The following TTN variants were observed in gnomAD, a reference collection of about 807,000 sequenced individuals.
TTN encodes connectin.
A neutral mutation model predicts 3,223.0 loss-of-function variants in TTN; 1,525 were observed. The ratio of observed to expected loss-of-function variants is 0.47; its 90% CI spans 0.45 to 0.49. The LOEUF is 0.49. TTN is among the 20% of genes least tolerant of loss of function. The probability of loss-of-function intolerance (pLI) is 0.00; values close to 1 mark genes in which losing one functional copy is unlikely to be tolerated. For synonymous variants in TTN, 14,094 were observed against 15,161.0 expected (o/e 0.93, Z 5.17); for missense variants, 40,786 against 43,424.0 (o/e 0.94, Z 5.40).
In TTN at chr2:178,562,557, T is replaced by C. The variant is rs761633407; in HGVS notation, c.83575A>G (p.Lys27859Glu). 40 of 1,610,952 alleles carry C rather than the reference T, an allele frequency of 2.5e-5. No homozygotes were observed. The East Asian group carries it at 6.5e-4, about 26-fold the overall frequency. ...GGTGGGAGGGGTGGTTCAGACACTT[T>C]AACGGGTTCTGTTGTTTCAGCTGGC... ...GLPAETTEPVKVSEPPLPPGR... is the reference protein window; with the variant it reads ...GLPAETTEPVEVSEPPLPPGR... Residue 27859 changes from lysine (K) to glutamate (E), a missense_variant, in exon 326 of 363, where the codon AAA (lysine) becomes GAA (glutamate). By Grantham distance (56) the Lys-to-Glu change is moderately conservative. Transcript: ENST00000589042.
At position 178,599,148 on chromosome 2, in the gene TTN, A is replaced by G; in HGVS notation, c.56645T>C (p.Phe18882Ser). ...DSEPETARNL[F>S]SVPGAPDKPT... ...TGTGAAAATGTTCTCCTACTTACAG[A>G]AGAGGTTTCTTGCTGTTTCAGGTTC... The change falls in exon 290 of 363, where the codon TTC (phenylalanine) becomes TCC (serine). Residue 18882 changes from phenylalanine (F) to serine (S), a missense_variant and splice_region_variant. By Grantham distance (155) the Phe-to-Ser change is radical. Transcript: ENST00000589042. 4 of 1,508,976 alleles carry G rather than the reference A, an allele frequency of 2.7e-6. No homozygotes were observed. Among genetic ancestry groups the G allele is most frequent in the Middle Eastern group, 1.8e-4 (1 of 5,584 alleles). 93.5% of individuals were successfully genotyped at this position (1,508,976 alleles called of 1,614,324 possible).
Position 178,568,168 on chromosome 2 carries a change from G to T in TTN, c.77964C>A (p.Tyr25988Ter). Reference protein sequence around the residue: ...ESDPIVAQYPYKEPGPPGTPF... With the variant: ...ESDPIVAQYP ...GTGTACCTGGAGGGCCTGGTTCTTTGTAGGGATATTGAGCTACAATTGGAT... is the reference window on the plus strand; with the variant it reads ...GTGTACCTGGAGGGCCTGGTTCTTTTTAGGGATATTGAGCTACAATTGGAT... The change falls in exon 326 of 363, where the codon TAC (tyrosine) becomes TAA (stop). Residue 25988 changes from tyrosine to a stop codon, truncating the protein, a stop_gained. Transcript: ENST00000589042. LOFTEE classifies it high-confidence loss of function. 1.2e-6 allele frequency: 2 copies of T among 1,613,498 alleles called. No individual in the cohort carries two copies. Among genetic ancestry groups the T allele is most frequent in the Non-Finnish European group, 1.7e-6 (2 of 1,179,590 alleles).
Position 178,764,565 on chromosome 2 carries a change from T to C in TTN, c.9950A>G (p.Tyr3317Cys), listed in dbSNP as rs768476150. 6.2e-6 allele frequency: 10 copies of C among 1,614,036 alleles called. No individual in the cohort carries two copies. The highest frequency in any genetic ancestry group is 2.2e-5 in the East Asian group (1 of 44,888). Residue 3317 changes from tyrosine (Y) to cysteine (C), a missense_variant, in exon 42 of 363, where the codon TAT (tyrosine) becomes TGT (cysteine). Physicochemically the swap from Tyr to Cys is radical, Grantham distance 194 (BLOSUM62 -2). Coordinates refer to ENST00000589042, the MANE Select transcript of TTN (RefSeq NM_001267550.2). Reference protein sequence around the residue: ...AVYTCEAKNDYGVATTSASLS... With the variant: ...AVYTCEAKNDCGVATTSASLS... ...TGAAGCTGATGTTGTGGCAACACCA[T>C]AGTCATTCTTGGCTTCACAGGTATA...
Position 178,774,305 on chromosome 2 carries a change from C to T in TTN, c.6959G>A (p.Arg2320His), listed in dbSNP as rs374615369. 138 of 1,614,084 alleles carry T rather than the reference C, an allele frequency of 8.5e-5. No individual in the cohort carries two copies. The highest frequency in any genetic ancestry group is 3.3e-4 in the Middle Eastern group (2 of 6,062). Residue 2320 changes from arginine (R) to histidine (H), a missense_variant, in exon 30 of 363, where the codon CGT (arginine) becomes CAT (histidine). Coordinates refer to ENST00000589042, the MANE Select transcript of TTN (RefSeq NM_001267550.2). ...TACATCCTTGACCGTGAGGTTCTGA[C>T]GTCCACGACGAGATGTAATTGTATA... Reference protein sequence around the residue: ...GKYTITSRRGRQNLTVKDVTK... With the variant: ...GKYTITSRRGHQNLTVKDVTK...
At chr2:178,695,433 A>G in intron 114 of TTN, 23 bp from the exon 115 acceptor site, 3 of 1,599,674 alleles carry the variant, frequency 1.9e-6, no homozygotes, top group Non-Finnish European at 1.7e-6. Context: ...CACAGGAATA[A>G]GAAGGGATGC....
intron 121 of TTN, among the ~76,000 whole-genome samples, 180 bp from the exon 122 acceptor site, chr2:178,690,076 A>G (rs2154278695): frequency 6.6e-6 from 1 of 152,368 alleles, no homozygotes; most frequent in African/African-American, 2.4e-5. Context: ...TGTGATAAAT[A>G]TCACAAATAA....
chr2:178,783,907 G>C, intron 16 of TTN, 122 bp from the exon 17 acceptor site: 1 of 1,075,320 alleles, frequency 9.3e-7, no homozygotes, highest in East Asian at 3.0e-5. Flanking sequence ...AATAATTTGA[G>C]AAAATGATCT....
rs764179161 is a variant in TTN at position 178,534,217 on chromosome 2, A to G, written c.102398T>C (p.Ile34133Thr). The change falls in exon 358 of 363, where the codon ATT (isoleucine) becomes ACT (threonine). Residue 34133 changes from isoleucine to threonine, a missense_variant. Transcript: ENST00000589042. ...VSVAKVKVAS[I>T]EIGPVSGQIM... The stretch of plus-strand genomic sequence containing the variant: ...CTGCCCAGAAACTGGGCCAATTTCA[A>G]TGGATGCCACTTTAACTTTAGCAAC... The G allele has an allele frequency of 4.2e-5, 68 of 1,613,822 alleles. No individual in the cohort carries two copies. Among genetic ancestry groups the G allele is most frequent in the African/African-American group, 1.6e-4 (12 of 74,918 alleles).
At position 178,775,550 on chromosome 2, in the gene TTN, G is replaced by C. The variant is rs547169244; in HGVS notation, c.6314C>G (p.Pro2105Arg). Residue 2105 changes from proline (P) to arginine (R), a missense_variant, in exon 28 of 363, where the codon CCA (proline) becomes CGA (arginine). By Grantham distance (103) the Pro-to-Arg change is moderately radical (BLOSUM62 -2). Transcript: ENST00000589042. ...TTTGTACCATTCACATTCGGGGTCT[G>C]GTTTCCCCACGACTCTGACCCGGAA... is the stretch of plus-strand genomic sequence containing the variant. Reference protein sequence around the residue: ...AHFRVRVVGKPDPECEWYKNG... With the variant: ...AHFRVRVVGKRDPECEWYKNG... The C allele has an allele frequency of 5.0e-6, 8 of 1,613,940 alleles. No individual in the cohort carries two copies. The Admixed American group carries it at 8.3e-5, about 17-fold the overall frequency.
chr2:178,769,252 A>G (rs1015297228), intron 37 of TTN, among the ~76,000 whole-genome samples: 1 of 150,370 alleles, frequency 6.7e-6, no homozygotes, highest in Non-Finnish European at 1.5e-5. Context: ...TCAATTAACA[A>G]TTTTTTTTCT....
chr2:178,633,301 A>G lies in TTN; in HGVS notation c.42972T>C (p.Pro14324=), dbSNP rs1189552011. Residue 14324 remains proline, a synonymous_variant, in exon 233 of 363, where the codon CCT becomes CCC. Coordinates refer to ENST00000589042, the MANE Select transcript of TTN (RefSeq NM_001267550.2). ...VEARLIKVEK[P]LYGVEVFVGE... The stretch of plus-strand genomic sequence containing the variant: ...CAACAAACACCTCTACTCCGTACAG[A>G]GGCTTTTCCACTTTTATTAGTCGAG... The G allele has an allele frequency of 1.2e-6, 2 of 1,613,070 alleles. No individual in the cohort carries two copies. The highest frequency in any genetic ancestry group is 1.7e-6 in the Non-Finnish European group (2 of 1,179,458).
Position 178,764,746 on chromosome 2 carries a change from G to C in TTN, c.9769C>G (p.Arg3257Gly). The C allele has an allele frequency of 6.2e-7, 1 of 1,613,952 alleles. No homozygotes were observed. The highest frequency in any genetic ancestry group is 8.5e-7 in the Non-Finnish European group (1 of 1,179,970). Reference sequence around the variant, plus strand: ...CTTCCGGATATCACGGCACAGAAGCGGGCAGGCTTGCCAGACTGCACAGTG... The same window carrying C: ...CTTCCGGATATCACGGCACAGAAGCCGGCAGGCTTGCCAGACTGCACAGTG... ...PVTVQSGKPA[R>G]FCAVISGRPQ... The change falls in exon 42 of 363, where the codon CGC (arginine) becomes GGC (glycine). Residue 3257 changes from arginine to glycine, a missense_variant. Arg to Gly is a moderately radical substitution (Grantham distance 125). Coordinates refer to ENST00000589042, the MANE Select transcript of TTN (RefSeq NM_001267550.2).
rs1254716057 is a variant in TTN, at chr2:178,601,487, C to A, written c.55510G>T (p.Asp18504Tyr). Reference protein sequence around the residue: ...GSCRLSWKMPDDDGGDRIKGY... With the variant: ...GSCRLSWKMPYDDGGDRIKGY... ...TTGATCCTGTCTCCTCCATCGTCGT[C>A]TGGCATCTTCCATGAAAGTCTGCAA... Residue 18504 changes from aspartate (D) to tyrosine (Y), a missense_variant, in exon 287 of 363, where the codon GAC (aspartate) becomes TAC (tyrosine). Asp to Tyr is a radical substitution (Grantham distance 160). Coordinates refer to ENST00000589042, the MANE Select transcript of TTN (RefSeq NM_001267550.2). The A allele has an allele frequency of 6.2e-7, 1 of 1,612,948 alleles. No homozygotes were observed. Among genetic ancestry groups the A allele is most frequent in the African/African-American group, 1.3e-5 (1 of 74,868 alleles).
chr2:178,803,545 T>C (rs1170360593), intron 2 of TTN, among the ~76,000 whole-genome samples: 1 of 151,670 alleles, frequency 6.6e-6, no homozygotes, highest in Non-Finnish European at 1.5e-5. Context: ...TTGTACAATG[T>C]AAAAGAAAGT....
Position 178,729,189 on chromosome 2 carries a change from T to C in TTN, c.18869-20A>G. 1 of 1,551,978 alleles carries C rather than the reference T, an allele frequency of 6.4e-7. No homozygotes were observed. Among genetic ancestry groups the C allele is most frequent in the Non-Finnish European group, 8.7e-7 (1 of 1,151,198 alleles). On this transcript the variant is annotated intron_variant, in intron 64 of 362. Coordinates refer to ENST00000589042, the MANE Select transcript of TTN (RefSeq NM_001267550.2). ...GTGGTTCTGTGATTAAATAAGAGAG[T>C]GTGAAAAGAAGAAACATATTGTAAC...
In TTN at chr2:178,611,240, G is replaced by A. The variant is rs766824585; in HGVS notation, c.50889C>T (p.Asp16963=). The part of the protein sequence containing the change: ...CKPTIDLETH[D]IIVIEGEKLS... ...ACTTTTCACCTTCAATAACAATAAT[G>A]TCATGAGTCTCCAGGTCAATTGTTG... Residue 16963 remains aspartate, a synonymous_variant, in exon 270 of 363, where the codon GAC becomes GAT. Coordinates refer to ENST00000589042, the MANE Select transcript of TTN (RefSeq NM_001267550.2). 6.2e-7 allele frequency: 1 copy of A among 1,612,462 alleles called. No homozygotes were observed. Among genetic ancestry groups the A allele is most frequent in the South Asian group, 1.1e-5 (1 of 91,012 alleles).
At chr2:178,688,245 T>C (rs770810452) in intron 126 of TTN, 21 bp from the exon 127 acceptor site, 131 of 1,605,798 alleles carry the variant, frequency 8.2e-5, no homozygotes, top group Non-Finnish European at 1.1e-4. Context: ...TAAGGTTTCA[T>C]TTAAATTCAG....
Position 178,553,914 on chromosome 2 carries a change from C to G in TTN, c.89197G>C (p.Asp29733His). 1 of 1,589,760 alleles carries G rather than the reference C, an allele frequency of 6.3e-7. No homozygotes were observed. Among genetic ancestry groups the G allele is most frequent in the Non-Finnish European group, 8.5e-7 (1 of 1,170,266 alleles). ...SEFYKAADPI[D>H]PPGPPAKIRI... Reference sequence around the variant, plus strand: ...AGATGCTGCAGGTATGAGCACTTACCAATAGGATCAGCAGCTTTGTAGAAT... The same window carrying G: ...AGATGCTGCAGGTATGAGCACTTACGAATAGGATCAGCAGCTTTGTAGAAT... The change falls in exon 333 of 363, where the codon GAT becomes CAT. Residue 29733 changes from aspartate to histidine, a missense_variant and splice_region_variant. Asp to His is a moderately conservative substitution (Grantham distance 81). Transcript: ENST00000589042.
chr2:178,649,715 T>A, intron 211 of TTN, 84 bp from the exon 212 acceptor site: 1 of 1,534,646 alleles, frequency 6.5e-7, no homozygotes, highest in Non-Finnish European at 9.0e-7. Context: ...CTGTAACATA[T>A]AGGTAAGAGT....
Sources: gnomAD v4.1 joint callset for allele counts (sites outside exome capture counted in the v4.1 genomes callset) on GRCh38, gnomAD v4.1.1 for gene constraint, MANE v1.5 for transcripts, NCBI Gene and HGNC (gene_info 2026-07-23, HGNC 2026-07-21) for gene names.